NCEH1: variants seen among roughly 807,000 people sequenced by gnomAD.
NCEH1 encodes 2-acetyl MAGE hydrolase.
NCEH1 carries 9 observed loss-of-function variants against 25.4 expected under a neutral mutation model. That is an observed-to-expected ratio of 0.35 (90% CI 0.21 to 0.62). NCEH1 has a LOEUF of 0.62. Ranked by LOEUF, NCEH1 falls within the 20% of genes least tolerant of loss-of-function variation. NCEH1 has a pLI of 0.72. For synonymous variants in NCEH1, 200 were observed against 199.8 expected, an observed-to-expected ratio of 1.00 and a Z score of -0.01; for missense variants, 412 against 501.1, an observed-to-expected ratio of 0.82 and a Z score of 1.70.
chr3:172,652,855 C>T (rs982741783), intron 1 of NCEH1, among the ~76,000 whole-genome samples: 15 of 151,808 alleles, frequency 9.9e-5, no homozygotes, highest in Non-Finnish European at 2.1e-4. Flanking sequence ...ACCACCACAC[C>T]TGGCTAATTT....
intron 1 of NCEH1, among the ~76,000 whole-genome samples, chr3:172,667,050 C>A (rs1457564506): frequency 6.6e-6 from 1 of 152,172 alleles, no homozygotes; most frequent in African/African-American, 2.4e-5. Flanking sequence ...GGACATATTG[C>A]TGGTCCTTTG....
At chr3:172,641,231 TTAGA>T (rs201377580) in intron 3 of NCEH1, among the ~76,000 whole-genome samples, 2 of 122,928 alleles carry the variant, frequency 1.6e-5, no homozygotes, top group East Asian at 2.1e-4. Flanking sequence ...TCTGCAAATC[TTAGA>T]TAAACACTGT....
intron 1 of NCEH1, among the ~76,000 whole-genome samples, chr3:172,669,021 C>A (rs962290904): frequency 9.2e-5 from 14 of 151,994 alleles, no homozygotes; most frequent in African/African-American, 3.4e-4. Flanking sequence ...TTTTAGTATA[C>A]AAAAGAGTAG....
chr3:172,647,751 AG>A, intron 2 of NCEH1, 134 bp downstream of exon 2: 5 of 1,219,110 alleles, frequency 4.1e-6, no homozygotes, highest in Non-Finnish European at 5.7e-6. Context: ...CTGGGACAAC[AG>A]GGGTAACTGG....
chr3:172,680,390 G>GC (rs1224849230), intron 1 of NCEH1, among the ~76,000 whole-genome samples: 1 of 152,058 alleles, frequency 6.6e-6, no homozygotes, highest in Non-Finnish European at 1.5e-5. Context: ...CCTCTGTGAA[G>GC]CCCCCCTCCC....
At chr3:172,641,757 C>T (rs1716863274) in intron 3 of NCEH1, among the ~76,000 whole-genome samples, 1 of 152,180 alleles carries the variant, frequency 6.6e-6, no homozygotes, top group South Asian at 2.1e-4. Context: ...TCTGCCTCGT[C>T]CCTCCCCTCC....
In NCEH1 at chr3:172,687,422, C is replaced by T. The variant is rs542241564; in HGVS notation, c.138+23425G>A. On this transcript the variant is annotated intron_variant, in intron 1 of 4. Coordinates refer to ENST00000475381, the MANE Select transcript of NCEH1 (RefSeq NM_020792.6). ...TGCTGCACAATATCTTTCATCTTCT[C>T]AAATAGATTCTGAATCTCTGAAGCA... Among the ~76,000 whole-genome samples, 3 of 152,304 alleles carry T rather than the reference C, an allele frequency of 2.0e-5. No homozygotes were observed. The South Asian group carries it at 6.2e-4, about 32-fold the overall frequency.
chr3:172,652,252 A>C lies in NCEH1; in HGVS notation c.139-4138T>G, dbSNP rs185190195. On this transcript the variant is annotated intron_variant, in intron 1 of 4. Transcript: ENST00000475381. ...TGCCCAGTGAAAGCATAAATGTAGC[A>C]GGGTCTGCATGAATGTCTTGCAGAT... Among the ~76,000 whole-genome samples, 14 of 152,364 alleles carry C rather than the reference A, an allele frequency of 9.2e-5. No individual in the cohort carries two copies. In the East Asian group the frequency reaches 2.7e-3, roughly 29 times the overall value.
chr3:172,707,881 C>G (rs1023662378), intron 1 of NCEH1, among the ~76,000 whole-genome samples: 7 of 152,218 alleles, frequency 4.6e-5, no homozygotes, highest in African/African-American at 1.7e-4. Context: ...CCACCGCGCC[C>G]GGCTGGAACT....
chr3:172,686,581 A>G (rs559158633), intron 1 of NCEH1, among the ~76,000 whole-genome samples: 1 of 152,342 alleles, frequency 6.6e-6, no homozygotes, highest in South Asian at 2.1e-4. Context: ...GTGGACATGC[A>G]AAGCCATCCC....
intron 1 of NCEH1, among the ~76,000 whole-genome samples, chr3:172,701,205 CA>C (rs1327304409): frequency 1.3e-5 from 2 of 152,184 alleles, no homozygotes; most frequent in African/African-American, 4.8e-5. Context: ...ACTGACACTT[CA>C]AAACAGGGTC....
chr3:172,674,834 T>A (rs1300207987), intron 1 of NCEH1, among the ~76,000 whole-genome samples: 1 of 152,244 alleles, frequency 6.6e-6, no homozygotes, highest in African/African-American at 2.4e-5. Flanking sequence ...ATAACAGGAT[T>A]AATTGCAGGA....
At chr3:172,648,427 A>T (rs1717231970) in intron 1 of NCEH1, among the ~76,000 whole-genome samples, 1 of 152,180 alleles carries the variant, frequency 6.6e-6, no homozygotes, top group Admixed American at 6.5e-5. Context: ...TTTGAATTCC[A>T]GGATTCAGTA....
chr3:172,653,744 G>GTTGTTGCTTT (rs1717534237), intron 1 of NCEH1, among the ~76,000 whole-genome samples: 7 of 95,676 alleles, frequency 7.3e-5, no homozygotes, highest in African/African-American at 2.5e-4. Flanking sequence ...TGTTTTTTTT[G>GTTGTTGCTTT]TTTTTTTGTT....
chr3:172,667,215 C>T (rs1216611405), intron 1 of NCEH1, among the ~76,000 whole-genome samples: 1 of 152,206 alleles, frequency 6.6e-6, no homozygotes, highest in Non-Finnish European at 1.5e-5. Flanking sequence ...AACGGCCATT[C>T]GGTTCCTATG....
intron 1 of NCEH1, among the ~76,000 whole-genome samples, chr3:172,684,981 C>T (rs1403933761): frequency 2.7e-5 from 4 of 145,558 alleles, no homozygotes; most frequent in African/African-American, 8.1e-5. Flanking sequence ...CTCCATCCCC[C>T]ACTCCCATCC....
intron 1 of NCEH1, among the ~76,000 whole-genome samples, chr3:172,706,010 CAAAAAAAAAAAA>C (rs35383888): frequency 9.6e-6 from 1 of 103,970 alleles, no homozygotes; most frequent in Non-Finnish European, 1.8e-5. Flanking sequence ...CAACAACAAC[CAAAAAAAAAAAA>C]AAAAAAAAAA....
At chr3:172,666,749 T>G (rs1718226204) in intron 1 of NCEH1, among the ~76,000 whole-genome samples, 1 of 152,336 alleles carries the variant, frequency 6.6e-6, no homozygotes, top group South Asian at 2.1e-4. Flanking sequence ...CCGGCTATCC[T>G]GTTGCAAAAC....
rs1358358782 is a variant in NCEH1, at chr3:172,630,620, G to T, written c.*2855C>A. On this transcript the variant is annotated 3_prime_UTR_variant, in exon 5 of 5. Transcript: ENST00000475381. ...GAGAAGAGAACACTGTTTTCAAATGGGAAACAGAAAATGAGACGGGAAAAT... is the reference window on the plus strand; with the variant it reads ...GAGAAGAGAACACTGTTTTCAAATGTGAAACAGAAAATGAGACGGGAAAAT... The T allele has an allele frequency of 6.6e-6, 1 of 152,140 alleles. No homozygotes were observed. Among genetic ancestry groups the T allele is most frequent in the Non-Finnish European group, 1.5e-5 (1 of 68,028 alleles). The allele number at this position is 152,140 out of a possible 1,614,324, so 9.4% of individuals were successfully genotyped here.
Sources: gnomAD v4.1 joint callset for allele counts (sites outside exome capture counted in the v4.1 genomes callset) on GRCh38, gnomAD v4.1.1 for gene constraint, MANE v1.5 for transcripts, NCBI Gene and HGNC (gene_info 2026-07-23, HGNC 2026-07-21) for gene names.